The following ELOC variants were observed in gnomAD, a reference collection of about 807,000 sequenced individuals.
ELOC encodes elongin C, also known as elongin-C.
For missense variants in ELOC, 38 were observed against 139.0 expected, an observed-to-expected ratio of 0.27 and a Z score of 3.65; for synonymous variants, 40 against 51.3, an observed-to-expected ratio of 0.78 and a Z score of 0.94.
intron 1 of ELOC, among the ~76,000 whole-genome samples, chr8:73,969,833 G>A (rs145766450): frequency 6.6e-6 from 1 of 152,294 alleles, no homozygotes; most frequent in Non-Finnish European, 1.5e-5. Context: ...CTGGCACTTA[G>A]TAGATGCTCA....
chr8:73,964,246 C>CA (rs560289242), intron 1 of ELOC, among the ~76,000 whole-genome samples: 13,792 of 81,766 alleles, frequency 0.17, 1,902 homozygotes, highest in African/African-American at 0.36. Flanking sequence ...TATAAATGGC[C>CA]AAAAAAAAAA....
intron 1 of ELOC, among the ~76,000 whole-genome samples, chr8:73,961,664 T>C (rs1006855528): frequency 2.6e-5 from 4 of 151,562 alleles, no homozygotes; most frequent in African/African-American, 7.3e-5. Flanking sequence ...CAGGCGTCTG[T>C]CACCGTGCCT....
intron 1 of ELOC, among the ~76,000 whole-genome samples, chr8:73,967,456 T>G (rs147998211): frequency 6.1e-4 from 91 of 148,734 alleles, no homozygotes; most frequent in African/African-American, 2.2e-3. Context: ...ACATTTTATA[T>G]AATTTTCTTT....
chr8:73,952,084 G>A (rs1383089587), intron 3 of ELOC, among the ~76,000 whole-genome samples: 1 of 152,142 alleles, frequency 6.6e-6, no homozygotes, highest in Non-Finnish European at 1.5e-5. Context: ...AAAACACAGG[G>A]TTAGATTTGA....
chr8:73,960,176 C>T lies in ELOC; in HGVS notation c.-50-358G>A, dbSNP rs142535362. Among the ~76,000 whole-genome samples, 460 of 152,202 alleles carry T rather than the reference C, an allele frequency of 3.0e-3. 4 individuals carry two copies. Among genetic ancestry groups the T allele is most frequent in the African/African-American group, 0.01 (421 of 41,500 alleles). On this transcript the variant is annotated intron_variant, in intron 1 of 3. Transcript: ENST00000520242. Reference sequence around the variant, plus strand: ...TGTTCATTCCATTAAAATACATACACGGAACATAATTATCGAGAAAAAACT... The same window carrying T: ...TGTTCATTCCATTAAAATACATACATGGAACATAATTATCGAGAAAAAACT...
intron 1 of ELOC, among the ~76,000 whole-genome samples, chr8:73,961,662 T>C (rs1814608219): frequency 6.6e-6 from 1 of 152,132 alleles, no homozygotes; most frequent in South Asian, 2.1e-4. Flanking sequence ...TACAGGCGTC[T>C]GTCACCGTGC....
intron 1 of ELOC, among the ~76,000 whole-genome samples, chr8:73,961,323 A>G (rs1407092977): frequency 6.6e-6 from 1 of 152,238 alleles, no homozygotes; most frequent in Non-Finnish European, 1.5e-5. Context: ...GGTCAAGAAA[A>G]TGAACCATAA....
At chr8:73,952,663 C>T (rs970136852) in intron 3 of ELOC, among the ~76,000 whole-genome samples, 12 of 150,770 alleles carry the variant, frequency 8.0e-5, no homozygotes, top group Admixed American at 2.6e-4. Flanking sequence ...CGCCTGTGGT[C>T]CCAGCTACTC....
intron 3 of ELOC, among the ~76,000 whole-genome samples, 182 bp from the exon 4 acceptor site, chr8:73,947,002 T>C (rs923879996): frequency 1.3e-5 from 2 of 152,148 alleles, no homozygotes; most frequent in African/African-American, 4.8e-5. Flanking sequence ...TTTGTTTGTT[T>C]GTTTGAGACA....
rs572007843 is a variant in ELOC at position 73,963,858 on chromosome 8, C to T, written c.-50-4040G>A. Among the ~76,000 whole-genome samples, 27 of 152,122 alleles carry T rather than the reference C, an allele frequency of 1.8e-4. No homozygotes were observed. The South Asian group carries it at 5.2e-3, about 29-fold the overall frequency. On this transcript the variant is annotated intron_variant, in intron 1 of 3. Coordinates refer to ENST00000520242, the MANE Select transcript of ELOC (RefSeq NM_005648.4). ...CTATAATCCCAGCACTTTGGGAGGCCGAAGGGGGTGGATCACCTGAGGTCA... is the reference window on the plus strand; with the variant it reads ...CTATAATCCCAGCACTTTGGGAGGCTGAAGGGGGTGGATCACCTGAGGTCA...
chr8:73,948,030 TAA>T (rs1813498797), intron 3 of ELOC, among the ~76,000 whole-genome samples: 1 of 152,008 alleles, frequency 6.6e-6, no homozygotes, highest in African/African-American at 2.4e-5. Flanking sequence ...CCATCTGTAC[TAA>T]AAATACAAAA....
chr8:73,951,645 C>A (rs986170065), intron 3 of ELOC, among the ~76,000 whole-genome samples: 11 of 86,984 alleles, frequency 1.3e-4, no homozygotes, highest in Non-Finnish European at 2.5e-4. Flanking sequence ...AACAAAAAAC[C>A]CCACAACAAC....
chr8:73,953,850 A>G (rs1025006018), intron 3 of ELOC, among the ~76,000 whole-genome samples: 5 of 152,200 alleles, frequency 3.3e-5, no homozygotes, highest in Admixed American at 2.0e-4. Context: ...AAGACACCCA[A>G]AAGAACTCAA....
intron 1 of ELOC, among the ~76,000 whole-genome samples, chr8:73,965,426 A>G (rs1468498403): frequency 6.6e-6 from 1 of 152,246 alleles, no homozygotes; most frequent in East Asian, 1.9e-4. Flanking sequence ...GCTGTGGTAC[A>G]TTCATACAGA....
chr8:73,969,645 C>A lies in ELOC; in HGVS notation c.-51+2432G>T, dbSNP rs888846205. Reference sequence around the variant, plus strand: ...AGGTCTCCAGGTAAAACATCAACTCCTCAGAGAGGTCTTCCTTCCCTGATG... The same window carrying A: ...AGGTCTCCAGGTAAAACATCAACTCATCAGAGAGGTCTTCCTTCCCTGATG... On this transcript the variant is annotated intron_variant, in intron 1 of 3. Coordinates refer to ENST00000520242, the MANE Select transcript of ELOC (RefSeq NM_005648.4). The A allele has an allele frequency of 2.6e-5, 4 of 152,226 alleles. No homozygotes were observed. In the South Asian group the frequency reaches 8.3e-4, roughly 32 times the overall value. 9.4% of individuals were successfully genotyped at this position (152,226 alleles called of 1,614,324 possible).
intron 3 of ELOC, among the ~76,000 whole-genome samples, chr8:73,948,179 C>T (rs181534288): frequency 1.4e-5 from 2 of 141,568 alleles, no homozygotes; most frequent in East Asian, 2.0e-4. Flanking sequence ...GCGACAAGAA[C>T]GAAACTCCGT....
intron 3 of ELOC, among the ~76,000 whole-genome samples, chr8:73,953,160 G>A (rs1194740432): frequency 6.6e-6 from 1 of 151,986 alleles, no homozygotes; most frequent in Non-Finnish European, 1.5e-5. Flanking sequence ...CAAAAAATTA[G>A]TTTGGCATGG....
chr8:73,957,715 G>C (rs1361249994), intron 2 of ELOC, among the ~76,000 whole-genome samples: 2 of 152,160 alleles, frequency 1.3e-5, no homozygotes, highest in African/African-American at 2.4e-5. Context: ...AGACTAAAGA[G>C]ACAAGTTAAT....
intron 1 of ELOC, among the ~76,000 whole-genome samples, chr8:73,967,820 T>C (rs986836143): frequency 1.3e-5 from 2 of 152,224 alleles, no homozygotes; most frequent in African/African-American, 4.8e-5. Context: ...TGTCCAACTA[T>C]TAAAACATTT....
Sources: allele counts gnomAD v4.1 joint callset (sites outside exome capture counted in the v4.1 genomes callset), GRCh38; gene constraint gnomAD v4.1.1; transcripts MANE v1.5; gene names NCBI Gene and HGNC (gene_info 2026-07-23, HGNC 2026-07-21).